The following SMG6 variants were observed in gnomAD, a reference collection of about 807,000 sequenced individuals.
The protein encoded by SMG6 is SMG6 nonsense mediated mRNA decay factor.
Under a neutral mutation model 142.2 loss-of-function variants are expected in SMG6, and 66 were observed. The observed-to-expected ratio is 0.46, with a 90% CI of 0.38 to 0.57. The LOEUF (loss-of-function observed/expected upper bound fraction) is 0.57. Among genes scored for constraint, SMG6 ranks in the 20% least tolerant of loss-of-function variants. SMG6 has a pLI of 0.00. For missense variants in SMG6, 1,793 were observed against 1,832.0 expected, an observed-to-expected ratio of 0.98 and a Z score of 0.39; for synonymous variants, 779 against 702.4, an observed-to-expected ratio of 1.11 and a Z score of -1.72.
chr17:2,115,394 GGTA>G (rs2069475934), intron 13 of SMG6, among the ~76,000 whole-genome samples: 1 of 151,988 alleles, frequency 6.6e-6, no homozygotes, highest in South Asian at 2.1e-4. Flanking sequence ...CTAAGGAATT[GGTA>G]AACCTCTTTC....
intron 9 of SMG6, among the ~76,000 whole-genome samples, chr17:2,241,238 TG>T (rs1445158276): frequency 3.3e-5 from 5 of 152,182 alleles, no homozygotes; most frequent in African/African-American, 1.2e-4. Flanking sequence ...AAAAATAACC[TG>T]GAACACAGTA....
chr17:2,122,692 G>A (rs1482319100), intron 13 of SMG6, among the ~76,000 whole-genome samples: 1 of 152,234 alleles, frequency 6.6e-6, no homozygotes, highest in Admixed American at 6.5e-5. Context: ...AGCTCCAGTA[G>A]TTCTGTGTCT....
At chr17:2,209,536 G>C (rs1489972523) in intron 10 of SMG6, among the ~76,000 whole-genome samples, 1 of 152,154 alleles carries the variant, frequency 6.6e-6, no homozygotes, top group Non-Finnish European at 1.5e-5. Flanking sequence ...GCTAACTTTT[G>C]TATTTTTAGT....
intron 13 of SMG6, chr17:2,086,951 G>A (rs139746297): frequency 2.5e-5 from 31 of 1,242,252 alleles, no homozygotes; most frequent in Middle Eastern, 2.2e-4. Flanking sequence ...CGTGCCACAG[G>A]GGACGGCCCC....
At position 2,194,993 on chromosome 17, in the gene SMG6, A is replaced by T. The variant is rs553782321; in HGVS notation, c.2870-6478T>A. 2.0e-5 allele frequency among the ~76,000 whole-genome samples: 3 copies of T among 152,314 alleles called. No homozygotes were observed. In the South Asian group the frequency reaches 6.2e-4, roughly 32 times the overall value. Reference sequence around the variant, plus strand: ...TCTGGGCCAAGTCCTGTCTTTCCAGAACAAAGACACTTCAGGGGGTCAGAA... The same window carrying T: ...TCTGGGCCAAGTCCTGTCTTTCCAGTACAAAGACACTTCAGGGGGTCAGAA... On this transcript the variant is annotated intron_variant, in intron 10 of 18. Transcript: ENST00000263073.
rs1203855639 is a variant in SMG6, at chr17:2,139,698, G to C, written c.3357+32960C>G. The stretch of plus-strand genomic sequence containing the variant: ...GGTTCCCAAAGTGCTGGGACTACAG[G>C]TGTGAGCCACTGTGCCAAGACATTT... On this transcript the variant is annotated intron_variant, in intron 13 of 18. Coordinates refer to ENST00000263073, the MANE Select transcript of SMG6 (RefSeq NM_017575.5). Among the ~76,000 whole-genome samples the C allele has an allele frequency of 2.0e-5, 3 of 151,592 alleles. No homozygotes were observed. The East Asian group carries it at 5.8e-4, about 29-fold the overall frequency.
At chr17:2,196,119 C>G (rs1056847127) in intron 10 of SMG6, among the ~76,000 whole-genome samples, 2 of 152,132 alleles carry the variant, frequency 1.3e-5, no homozygotes, top group African/African-American at 4.8e-5. Context: ...TCTGAAAATG[C>G]TGATGAAAAT....
In SMG6 at chr17:2,186,665, C is replaced by T. The variant is rs758615409; in HGVS notation, c.3153G>A (p.Ser1051=). ...AAGCAATGGGCAGGTCAACTCACTG[C>T]GAGGGCAGATCCAGGGATGTGGGAG... ...NPPPTSLDLP[S]HVAVDVWSTL... The change falls in exon 12 of 19, where the codon TCG becomes TCA. Residue 1051 remains serine, a splice_region_variant and synonymous_variant. Coordinates refer to ENST00000263073, the MANE Select transcript of SMG6 (RefSeq NM_017575.5). The T allele has an allele frequency of 2.2e-5, 35 of 1,614,080 alleles. No homozygotes were observed. Among genetic ancestry groups the T allele is most frequent in the East Asian group, 4.5e-5 (2 of 44,880 alleles).
At chr17:2,225,259 C>T (rs571713706) in intron 10 of SMG6, among the ~76,000 whole-genome samples, 1 of 151,138 alleles carries the variant, frequency 6.6e-6, no homozygotes, top group African/African-American at 2.4e-5. Flanking sequence ...GGGGAGATCA[C>T]TTGAGGTCAG....
At chr17:2,289,522 A>C (rs1422692485) in intron 6 of SMG6, among the ~76,000 whole-genome samples, 1 of 152,088 alleles carries the variant, frequency 6.6e-6, no homozygotes, top group Non-Finnish European at 1.5e-5. Context: ...GTGTCACTGC[A>C]CTCCAGCCTA....
intron 13 of SMG6, among the ~76,000 whole-genome samples, chr17:2,098,323 T>C (rs980489287): frequency 3.9e-5 from 6 of 152,134 alleles, no homozygotes; most frequent in Non-Finnish European, 7.4e-5. Context: ...CCAAATTGTT[T>C]TCACATATGT....
intron 10 of SMG6, chr17:2,236,149 T>G (rs1429770856): frequency 2.3e-5 from 4 of 174,312 alleles, no homozygotes; most frequent in Middle Eastern, 5.3e-3. Context: ...CAATGAAACA[T>G]CTCAGCAATG....
At chr17:2,066,169 G>A (rs1597321573) in intron 16 of SMG6, 1 of 166,610 alleles carries the variant, frequency 6.0e-6, no homozygotes, top group East Asian at 1.6e-4. Flanking sequence ...GGAAGGGGCA[G>A]TCACAGCCTC....
intron 13 of SMG6, among the ~76,000 whole-genome samples, chr17:2,157,665 T>A (rs1231524520): frequency 6.6e-6 from 1 of 152,214 alleles, no homozygotes; most frequent in Non-Finnish European, 1.5e-5. Context: ...TTGGCTCTCA[T>A]GCTTTCAGCT....
chr17:2,299,250 A>G lies in SMG6; in HGVS notation c.1503T>C (p.Phe501=). The G allele has an allele frequency of 2.5e-6, 4 of 1,614,064 alleles. No homozygotes were observed. Among genetic ancestry groups the G allele is most frequent in the Non-Finnish European group, 3.4e-6 (4 of 1,180,004 alleles). ...AATAATAGGGGTTGTCAGAGTTTTG[A>G]AACTTATAGTAAGATGCCTGAGCCT... is the stretch of plus-strand genomic sequence containing the variant. The part of the protein sequence containing the change: ...SRQAQASYYK[F]QNSDNPYYYP... The change falls in exon 2 of 19, where the codon TTT becomes TTC. Residue 501 remains phenylalanine (F), a synonymous_variant. Coordinates refer to ENST00000263073, the MANE Select transcript of SMG6 (RefSeq NM_017575.5). The surrounding 1 kb of genome is among the most constrained non-coding windows in gnomAD (Gnocchi z 4.3).
chr17:2,078,317 G>A (rs749267618), intron 15 of SMG6, among the ~76,000 whole-genome samples: 2 of 152,138 alleles, frequency 1.3e-5, no homozygotes, highest in Admixed American at 6.5e-5. Context: ...TAGATACTAG[G>A]GGTTAAAAGC....
At chr17:2,125,603 T>C (rs532483146) in intron 13 of SMG6, among the ~76,000 whole-genome samples, 2 of 152,344 alleles carry the variant, frequency 1.3e-5, no homozygotes, top group Admixed American at 6.5e-5. Flanking sequence ...TTCAATGCAG[T>C]TCCTATCAAA....
Position 2,178,855 on chromosome 17 carries a change from G to A in SMG6, c.3156-5996C>T, listed in dbSNP as rs562449692. 2.6e-4 allele frequency among the ~76,000 whole-genome samples: 39 copies of A among 152,212 alleles called. No individual in the cohort carries two copies. In the South Asian group the frequency reaches 7.5e-3, roughly 29 times the overall value. ...CGGCCTCCCTGGTGCGGATTCTCACGGTTCCTGCCTCTCCAAACTTTTAGC... is the reference window on the plus strand; with the variant it reads ...CGGCCTCCCTGGTGCGGATTCTCACAGTTCCTGCCTCTCCAAACTTTTAGC... On this transcript the variant is annotated intron_variant, in intron 12 of 18. Coordinates refer to ENST00000263073, the MANE Select transcript of SMG6 (RefSeq NM_017575.5).
At chr17:2,224,464 T>C (rs1019576756) in intron 10 of SMG6, among the ~76,000 whole-genome samples, 4 of 152,098 alleles carry the variant, frequency 2.6e-5, no homozygotes, top group Admixed American at 6.5e-5. Flanking sequence ...ATTAAAAACA[T>C]TGTCAATGGG....
Sources: gnomAD v4.1 joint callset for allele counts (sites outside exome capture counted in the v4.1 genomes callset) on GRCh38, gnomAD v4.1.1 for gene constraint, Gnocchi (gnomAD v3.1) non-coding constraint, MANE v1.5 for transcripts, NCBI Gene and HGNC (gene_info 2026-07-23, HGNC 2026-07-21) for gene names.